EPB41L2: variants seen among roughly 807,000 people sequenced by gnomAD.
EPB41L2 encodes the protein erythrocyte membrane protein band 4.1 like 2.
A neutral mutation model predicts 113.0 loss-of-function variants in EPB41L2; 43 were observed. The ratio of observed to expected loss-of-function variants is 0.38; its 90% CI spans 0.30 to 0.49. The LOEUF (loss-of-function observed/expected upper bound fraction) is 0.49, where lower values mean the gene tolerates loss of function less well. Among genes scored for constraint, EPB41L2 ranks in the 20% least tolerant of loss-of-function variants. The pLI is 0.95. For missense variants in EPB41L2, 1,147 were observed against 1,223.4 expected, an observed-to-expected ratio of 0.94 and a Z score of 0.93; for synonymous variants, 442 against 436.7, an observed-to-expected ratio of 1.01 and a Z score of -0.15.
At chr6:130,929,180 C>T (rs985505428) in intron 3 of EPB41L2, among the ~76,000 whole-genome samples, 1 of 152,012 alleles carries the variant, frequency 6.6e-6, no homozygotes, top group African/African-American at 2.4e-5. Flanking sequence ...GTTGAGAGAG[C>T]GATGTACAAA....
intron 1 of EPB41L2, among the ~76,000 whole-genome samples, chr6:130,997,262 C>A (rs970364370): frequency 6.6e-6 from 1 of 152,200 alleles, no homozygotes; most frequent in East Asian, 1.9e-4. Context: ...ATTAAAGCCA[C>A]TTAGCAAATT....
At chr6:130,875,833 T>C (rs1205423837) in intron 14 of EPB41L2, among the ~76,000 whole-genome samples, 1 of 151,660 alleles carries the variant, frequency 6.6e-6, no homozygotes, top group African/African-American at 2.4e-5. Context: ...CCGTCTCAAC[T>C]AAAAACACAA....
chr6:130,850,240 A>G (rs1037049731), intron 19 of EPB41L2, among the ~76,000 whole-genome samples: 3 of 152,214 alleles, frequency 2.0e-5, no homozygotes, highest in Admixed American at 2.0e-4. Flanking sequence ...CTCTGTCTCA[A>G]AAAAACAAAG....
At chr6:131,040,219 C>A (rs1487980894) in intron 1 of EPB41L2, among the ~76,000 whole-genome samples, 6 of 152,162 alleles carry the variant, frequency 3.9e-5, no homozygotes, top group Admixed American at 3.9e-4. Flanking sequence ...AGGCAGATCA[C>A]CTGAGGCCAG....
In EPB41L2 at chr6:130,955,400, G is replaced by A. The variant is rs186113295; in HGVS notation, c.493-83C>T. ...ATACTAAAAGGAAAATCTTTCATAA[G>A]AATTAGGATCGTTACTTTAAACACT... On this transcript the variant is annotated intron_variant, in intron 2 of 19. Transcript: ENST00000337057. 6.2e-5 allele frequency: 80 copies of A among 1,300,426 alleles called. No homozygotes were observed. The African/African-American group carries it at 8.2e-4, about 13-fold the overall frequency. 80.6% of individuals were successfully genotyped at this position (1,300,426 alleles called of 1,614,324 possible).
intron 19 of EPB41L2, among the ~76,000 whole-genome samples, chr6:130,857,559 T>C (rs1780658019): frequency 7.3e-6 from 1 of 137,888 alleles, no homozygotes. Context: ...CTTTTTTTTT[T>C]TTTTTTTTTT....
chr6:130,998,516 T>C (rs955716668), intron 1 of EPB41L2, among the ~76,000 whole-genome samples: 4 of 152,132 alleles, frequency 2.6e-5, no homozygotes, highest in Admixed American at 1.3e-4. Flanking sequence ...ACAAAATAAA[T>C]AGCATATCTG....
intron 19 of EPB41L2, among the ~76,000 whole-genome samples, chr6:130,847,809 A>G (rs1252370074): frequency 6.6e-6 from 1 of 152,178 alleles, no homozygotes; most frequent in Non-Finnish European, 1.5e-5. Flanking sequence ...CTGCTAGGTC[A>G]AATCTTCTGG....
At chr6:130,860,538 T>C (rs1283984551) in intron 18 of EPB41L2, among the ~76,000 whole-genome samples, 1 of 152,232 alleles carries the variant, frequency 6.6e-6, no homozygotes, top group South Asian at 2.1e-4. Context: ...TTTATTTTTA[T>C]TTTTATTTTT....
intron 1 of EPB41L2, among the ~76,000 whole-genome samples, chr6:131,045,361 A>T (rs990742852): frequency 5.3e-5 from 8 of 152,086 alleles, no homozygotes; most frequent in East Asian, 1.9e-4. Flanking sequence ...ATATTTAAAT[A>T]TTCATTTAAA....
chr6:130,923,574 T>C (rs1457013180), intron 4 of EPB41L2, among the ~76,000 whole-genome samples: 1 of 152,180 alleles, frequency 6.6e-6, no homozygotes, highest in African/African-American at 2.4e-5. Flanking sequence ...CCAGCCAAAG[T>C]CCACTCACAC....
chr6:130,972,774 C>A (rs530705610), intron 1 of EPB41L2, among the ~76,000 whole-genome samples: 1 of 152,036 alleles, frequency 6.6e-6, no homozygotes, highest in East Asian at 1.9e-4. Context: ...CAAGATGTCA[C>A]CAGTACCAAC....
intron 12 of EPB41L2, among the ~76,000 whole-genome samples, chr6:130,884,686 T>C (rs1790373461): frequency 6.6e-6 from 1 of 152,250 alleles, no homozygotes. Context: ...AGATCATTAA[T>C]GAATACATTT....
At chr6:131,013,259 T>C (rs997579163) in intron 1 of EPB41L2, among the ~76,000 whole-genome samples, 2 of 151,858 alleles carry the variant, frequency 1.3e-5, no homozygotes. Context: ...AATATATATA[T>C]ATAAGACCCA....
intron 19 of EPB41L2, among the ~76,000 whole-genome samples, chr6:130,845,733 T>G (rs78822560): frequency 0.013 from 2,054 of 152,292 alleles, 49 homozygotes; most frequent in African/African-American, 0.046. Flanking sequence ...AGAAGACAGT[T>G]TCACTTAAGG....
intron 1 of EPB41L2, among the ~76,000 whole-genome samples, chr6:131,008,666 C>G (rs956169086): frequency 6.6e-6 from 1 of 152,230 alleles, no homozygotes; most frequent in Non-Finnish European, 1.5e-5. Flanking sequence ...CCCTGCAAAG[C>G]CACAGGGGTG....
At chr6:130,862,739 C>T (rs1782552286) in intron 18 of EPB41L2, among the ~76,000 whole-genome samples, 1 of 152,200 alleles carries the variant, frequency 6.6e-6, no homozygotes, top group Non-Finnish European at 1.5e-5. Flanking sequence ...TCTTCTTAGG[C>T]ATGAAAAATC....
At chr6:130,995,405 T>C (rs576897645) in intron 1 of EPB41L2, among the ~76,000 whole-genome samples, 2 of 152,056 alleles carry the variant, frequency 1.3e-5, no homozygotes, top group African/African-American at 4.8e-5. Flanking sequence ...CTGGGAGGCC[T>C]AGGCAGGCAG....
chr6:131,026,660 T>C (rs1011374139), intron 1 of EPB41L2, among the ~76,000 whole-genome samples: 1 of 152,214 alleles, frequency 6.6e-6, no homozygotes, highest in African/African-American at 2.4e-5. Flanking sequence ...ACCACCAGTT[T>C]AGGCCTTTCG....
Sources: allele counts gnomAD v4.1 joint callset (sites outside exome capture counted in the v4.1 genomes callset), GRCh38; gene constraint gnomAD v4.1.1; transcripts MANE v1.5; gene names NCBI Gene and HGNC (gene_info 2026-07-23, HGNC 2026-07-21).